PLPP4: variants seen among roughly 807,000 people sequenced by gnomAD.
PLPP4 encodes the protein diacylglycerol pyrophosphate like 2.
PLPP4 carries 20 observed loss-of-function variants against 32.2 expected under a neutral mutation model. The observed-to-expected ratio is 0.62, with a 90% CI of 0.44 to 0.90. The LOEUF (loss-of-function observed/expected upper bound fraction) is 0.90, where lower values mean the gene tolerates loss of function less well. Among genes scored for constraint, PLPP4 ranks in the 40% least tolerant of loss-of-function variants. The probability of loss-of-function intolerance (pLI) is 0.00; values close to 1 mark genes in which losing one functional copy is unlikely to be tolerated. For missense variants in PLPP4, 257 were observed against 353.1 expected (o/e 0.73, Z 2.18); for synonymous variants, 127 against 133.0 (o/e 0.95, Z 0.31).
chr10:120,479,942 G>A (rs917251452), intron 1 of PLPP4, among the ~76,000 whole-genome samples: 2 of 152,188 alleles, frequency 1.3e-5, no homozygotes, highest in African/African-American at 2.4e-5. Context: ...GAAAGGCTAT[G>A]GATGGTATGC....
chr10:120,494,485 A>T (rs578007618), intron 1 of PLPP4, among the ~76,000 whole-genome samples: 1 of 152,224 alleles, frequency 6.6e-6, no homozygotes, highest in Non-Finnish European at 1.5e-5. Flanking sequence ...GCACGAGGAC[A>T]TGACTCCCGG....
intron 5 of PLPP4, among the ~76,000 whole-genome samples, chr10:120,536,111 A>G (rs191272928): frequency 2.6e-5 from 4 of 152,284 alleles, no homozygotes; most frequent in African/African-American, 9.6e-5. Context: ...TGTTTATATT[A>G]TCCAAAGCAA....
intron 6 of PLPP4, among the ~76,000 whole-genome samples, chr10:120,583,085 G>A (rs61871759): frequency 0.012 from 1,858 of 151,980 alleles, 20 homozygotes; most frequent in Non-Finnish European, 0.021. Context: ...GCTGACTTTT[G>A]CCCTAGTACC....
intron 1 of PLPP4, among the ~76,000 whole-genome samples, chr10:120,481,671 C>G (rs17705510): frequency 0.061 from 9,246 of 152,176 alleles, 352 homozygotes; most frequent in South Asian, 0.12. Flanking sequence ...AAACAAAGAC[C>G]ATGATCAAAG....
At chr10:120,467,008 A>AT (rs879944098) in intron 1 of PLPP4, among the ~76,000 whole-genome samples, 3 of 152,186 alleles carry the variant, frequency 2.0e-5, no homozygotes, top group Non-Finnish European at 4.4e-5. Context: ...TTCAACTAGG[A>AT]TTTAGAAATT....
At chr10:120,574,052 G>A (rs1371350746) in intron 5 of PLPP4, among the ~76,000 whole-genome samples, 5 of 151,888 alleles carry the variant, frequency 3.3e-5, no homozygotes, top group Non-Finnish European at 7.4e-5. Flanking sequence ...TGTCCAGAGG[G>A]ATGGGGAGCT....
rs745964165 is a variant in PLPP4, at chr10:120,589,871, G to A, written c.*369G>A. 3 of 191,508 alleles carry A rather than the reference G, an allele frequency of 1.6e-5. No homozygotes were observed. The highest frequency in any genetic ancestry group is 3.2e-5 in the Non-Finnish European group (3 of 93,416). 11.9% of individuals were successfully genotyped at this position (191,508 alleles called of 1,614,324 possible). A position where few individuals can be genotyped will look rare whatever the true frequency, so the allele number is the denominator to read the frequency against. On this transcript the variant is annotated 3_prime_UTR_variant, in exon 7 of 7. Coordinates refer to ENST00000398250, the MANE Select transcript of PLPP4 (RefSeq NM_001030059.3). ...GAAGACTTGGTGTTGGCCACCCAGC[G>A]CAACAAGTCATTTGGAGATGCAGCA...
At chr10:120,466,200 G>A (rs989921615) in intron 1 of PLPP4, among the ~76,000 whole-genome samples, 2 of 152,144 alleles carry the variant, frequency 1.3e-5, no homozygotes, top group Non-Finnish European at 2.9e-5. Context: ...CCTGGCAAGT[G>A]ACAGGGCCTG....
At chr10:120,521,130 A>C (rs1216966997) in intron 5 of PLPP4, 35 bp downstream of exon 5, 1 of 1,611,538 alleles carries the variant, frequency 6.2e-7, no homozygotes, top group African/African-American at 1.3e-5. Context: ...TAATGCCCCC[A>C]GTCATGTTTC....
intron 5 of PLPP4, among the ~76,000 whole-genome samples, chr10:120,560,893 T>C (rs1222946687): frequency 3.3e-5 from 5 of 152,246 alleles, no homozygotes; most frequent in African/African-American, 4.8e-5. Flanking sequence ...AGTAGGCTAG[T>C]AGTAAAATTT....
intron 1 of PLPP4, among the ~76,000 whole-genome samples, chr10:120,474,870 T>C (rs1351867307): frequency 6.6e-6 from 1 of 152,256 alleles, no homozygotes; most frequent in Non-Finnish European, 1.5e-5. Flanking sequence ...AGGAATTTTA[T>C]AATGCTTTCA....
chr10:120,466,767 C>G (rs1270596166), intron 1 of PLPP4, among the ~76,000 whole-genome samples: 1 of 151,884 alleles, frequency 6.6e-6, no homozygotes, highest in Non-Finnish European at 1.5e-5. Context: ...GGTACACTCT[C>G]TCACCTCCTA....
At chr10:120,470,576 T>C (rs1194782273) in intron 1 of PLPP4, among the ~76,000 whole-genome samples, 1 of 152,206 alleles carries the variant, frequency 6.6e-6, no homozygotes, top group Non-Finnish European at 1.5e-5. Context: ...AATTTGCTAA[T>C]GTTTTGGTTC....
intron 3 of PLPP4, among the ~76,000 whole-genome samples, chr10:120,518,026 A>G (rs1429210507): frequency 6.6e-6 from 1 of 152,204 alleles, no homozygotes; most frequent in Non-Finnish European, 1.5e-5. Context: ...TTGACCTTCT[A>G]TCACATTGAT....
chr10:120,548,109 T>G (rs1022574956), intron 5 of PLPP4, among the ~76,000 whole-genome samples: 1 of 152,122 alleles, frequency 6.6e-6, no homozygotes, highest in Admixed American at 6.6e-5. Context: ...TAGGGGTATA[T>G]GTGTAGGTTT....
Position 120,513,912 on chromosome 10 carries a change from C to G in PLPP4, c.167C>G (p.Ala56Gly). The part of the protein sequence containing the change: ...SDNIPTRLMF[A>G]ISFLTPLAVI... ...GGGATTGTTTGTTATTTCTTCCAGG[C>G]AATTTCTTTCCTCACACCCCTGGCT... Residue 56 changes from alanine (A) to glycine (G), a missense_variant and splice_region_variant, in exon 3 of 7, where the codon GCA becomes GGA. Ala to Gly is a moderately conservative substitution (Grantham distance 60). Transcript: ENST00000398250. 4 of 1,612,774 alleles carry G rather than the reference C, an allele frequency of 2.5e-6. No homozygotes were observed. The highest frequency in any genetic ancestry group is 3.4e-6 in the Non-Finnish European group (4 of 1,178,858).
At chr10:120,518,779 T>C in intron 3 of PLPP4, 54 bp from the exon 4 acceptor site, 1 of 1,412,822 alleles carries the variant, frequency 7.1e-7, no homozygotes, top group East Asian at 2.3e-5. Flanking sequence ...ATGATGATGA[T>C]TTTGATTTAA....
chr10:120,484,609 C>G (rs1056117159), intron 1 of PLPP4, among the ~76,000 whole-genome samples: 1 of 152,154 alleles, frequency 6.6e-6, no homozygotes, highest in African/African-American at 2.4e-5. Context: ...CTTAAAGTTC[C>G]CATGTCTTAA....
intron 1 of PLPP4, among the ~76,000 whole-genome samples, chr10:120,499,374 G>T (rs1006925725): frequency 6.6e-6 from 1 of 151,618 alleles, no homozygotes; most frequent in African/African-American, 2.4e-5. Context: ...GATTGTATTG[G>T]GTTGGTGCAA....
Sources: gnomAD v4.1 joint callset for allele counts (sites outside exome capture counted in the v4.1 genomes callset) on GRCh38, gnomAD v4.1.1 for gene constraint, MANE v1.5 for transcripts, NCBI Gene and HGNC (gene_info 2026-07-23, HGNC 2026-07-21) for gene names.